PHKB: variants seen among roughly 807,000 people sequenced by gnomAD.
PHKB encodes the protein phosphorylase kinase regulatory subunit beta, also known as phosphorylase b kinase regulatory subunit beta.
In PHKB, 122 loss-of-function variants were observed where a neutral mutation model predicts 152.1. The observed-to-expected ratio is 0.80, with a 90% confidence interval of 0.69 to 0.93. The LOEUF (loss-of-function observed/expected upper bound fraction) is 0.93, where lower values mean the gene tolerates loss of function less well. Ranked by LOEUF, PHKB falls within the 40% of genes least tolerant of loss-of-function variation. The pLI is 0.00. For synonymous variants in PHKB, 436 were observed against 464.9 expected (o/e 0.94, Z 0.80); for missense variants, 1,304 against 1,328.4 (o/e 0.98, Z 0.29).
At chr16:47,615,431 T>C (rs1229518168) in intron 14 of PHKB, among the ~76,000 whole-genome samples, 1 of 152,222 alleles carries the variant, frequency 6.6e-6, no homozygotes, top group Non-Finnish European at 1.5e-5. Context: ...GACTTTGAAG[T>C]TGCTGCTAAA....
intron 6 of PHKB, among the ~76,000 whole-genome samples, chr16:47,527,502 G>A (rs1299621391): frequency 6.6e-6 from 1 of 152,090 alleles, no homozygotes; most frequent in Non-Finnish European, 1.5e-5. Context: ...GAACATAACT[G>A]TAAATAAGTA....
chr16:47,594,139 G>C lies in PHKB; in HGVS notation c.1129G>C (p.Val377Leu). ...IFFLYMMIDG[V>L]FRGNPKQVQE... ...GGATTTTATATTTTATATTTTAGGA[G>C]TTTTTAGAGGCAATCCTAAGCAAGT... Residue 377 changes from valine to leucine, a missense_variant and splice_region_variant, in exon 12 of 31, where the codon GTT becomes CTT. Transcript: ENST00000323584. 6.6e-7 allele frequency: 1 copy of C among 1,510,480 alleles called. No individual in the cohort carries two copies. The highest frequency in any genetic ancestry group is 9.2e-7 in the Non-Finnish European group (1 of 1,086,336). 93.6% of individuals were successfully genotyped at this position (1,510,480 alleles called of 1,614,324 possible).
chr16:47,698,214 A>T (rs1974184243), intron 29 of PHKB, among the ~76,000 whole-genome samples: 7 of 152,204 alleles, frequency 4.6e-5, no homozygotes, highest in Admixed American at 4.6e-4. Context: ...TAACGGTTTT[A>T]TTTAACTGAT....
rs189953529 is a variant in PHKB at position 47,663,388 on chromosome 16, G to A, written c.2279-289G>A. 5.5e-4 allele frequency among the ~76,000 whole-genome samples: 83 copies of A among 152,138 alleles called. No homozygotes were observed. The Middle Eastern group carries it at 0.01, about 19-fold the overall frequency. On this transcript the variant is annotated intron_variant, in intron 23 of 30. Coordinates refer to ENST00000323584, the MANE Select transcript of PHKB (RefSeq NM_000293.3). ...TTCTTTTCTGCAGTAAATTAGAATAGCATTTGTATTTGTTAAAAGTTTAGA... is the reference window on the plus strand; with the variant it reads ...TTCTTTTCTGCAGTAAATTAGAATAACATTTGTATTTGTTAAAAGTTTAGA...
chr16:47,540,825 T>G (rs1423172483), intron 6 of PHKB, among the ~76,000 whole-genome samples: 2 of 141,856 alleles, frequency 1.4e-5, no homozygotes, highest in South Asian at 2.4e-4. Context: ...TCCTGTTTTT[T>G]TTTTTTTTTT....
intron 7 of PHKB, among the ~76,000 whole-genome samples, chr16:47,552,678 G>A (rs561149275): frequency 3.3e-5 from 5 of 151,956 alleles, no homozygotes; most frequent in South Asian, 2.1e-4. Flanking sequence ...GTGTGGTGGC[G>A]GGTGCCTGTA....
rs1279081023 is a variant in PHKB at position 47,650,868 on chromosome 16, G to A, written c.1918G>A (p.Ala640Thr). 1 of 1,613,656 alleles carries A rather than the reference G, an allele frequency of 6.2e-7. No homozygotes were observed. The change falls in exon 20 of 31, where the codon GCC becomes ACC. Residue 640 changes from alanine to threonine, a missense_variant. Physicochemically the swap from Ala to Thr is moderately conservative, Grantham distance 58. Transcript: ENST00000323584. Reference sequence around the variant, plus strand: ...CAACCCCATATTAGATATGCTGGCAGCCCTTAAAAAAGGAATAATTGGAGG... The same window carrying A: ...CAACCCCATATTAGATATGCTGGCAACCCTTAAAAAAGGAATAATTGGAGG... ...RFNPILDMLA[A>T]LKKGIIGGVK...
chr16:47,471,139 CT>C (rs1969760450), intron 1 of PHKB, among the ~76,000 whole-genome samples: 1 of 152,124 alleles, frequency 6.6e-6, no homozygotes. Context: ...GAAAGCCTCT[CT>C]GGAAGTGATA....
At chr16:47,503,175 A>G in intron 4 of PHKB, 85 bp downstream of exon 4, 1 of 967,754 alleles carries the variant, frequency 1.0e-6, no homozygotes. Flanking sequence ...CTTCTGAAGA[A>G]GAATGTACTT....
At chr16:47,616,227 A>G (rs1376456124) in intron 14 of PHKB, among the ~76,000 whole-genome samples, 1 of 151,830 alleles carries the variant, frequency 6.6e-6, no homozygotes, top group Non-Finnish European at 1.5e-5. Flanking sequence ...TTATGGTGTC[A>G]TGTCTAAGAA....
At chr16:47,502,435 A>G (rs1970338631) in intron 3 of PHKB, among the ~76,000 whole-genome samples, 1 of 152,234 alleles carries the variant, frequency 6.6e-6, no homozygotes. Context: ...AAACCAAAGA[A>G]TATAAAGCTC....
At position 47,698,429 on chromosome 16, in the gene PHKB, C is replaced by A; in HGVS notation, c.3004-19C>A. 1 of 1,598,368 alleles carries A rather than the reference C, an allele frequency of 6.3e-7. No individual in the cohort carries two copies. The highest frequency in any genetic ancestry group is 8.6e-7 in the Non-Finnish European group (1 of 1,166,086). ...TATTATGGTTCATATAGTTGGCTTT[C>A]AATGTCTGTCTCTTCTAGTTACTTA... On this transcript the variant is annotated intron_variant, in intron 29 of 30. Coordinates refer to ENST00000323584, the MANE Select transcript of PHKB (RefSeq NM_000293.3).
intron 7 of PHKB, chr16:47,564,958 C>CT (rs35858890): frequency 0.016 from 3,267 of 210,570 alleles, 8 homozygotes; most frequent in Middle Eastern, 0.027. Flanking sequence ...GTCTGTGTGT[C>CT]TTTTTTTTTT....
chr16:47,478,609 A>G (rs537228124), intron 1 of PHKB, among the ~76,000 whole-genome samples: 1 of 151,978 alleles, frequency 6.6e-6, no homozygotes, highest in African/African-American at 2.4e-5. Context: ...CTTTAGAATG[A>G]TAATGATAGT....
At chr16:47,524,426 A>G (rs1416117004) in intron 6 of PHKB, among the ~76,000 whole-genome samples, 1 of 152,202 alleles carries the variant, frequency 6.6e-6, no homozygotes, top group Non-Finnish European at 1.5e-5. Flanking sequence ...TTAAACATCT[A>G]TATACAACAC....
chr16:47,589,487 A>C (rs1314396261), intron 10 of PHKB, among the ~76,000 whole-genome samples: 1 of 152,202 alleles, frequency 6.6e-6, no homozygotes, highest in East Asian at 1.9e-4. Flanking sequence ...TGTCTTATAT[A>C]ATATTAAATA....
At chr16:47,604,216 A>T (rs1453593454) in intron 13 of PHKB, among the ~76,000 whole-genome samples, 1 of 152,128 alleles carries the variant, frequency 6.6e-6, no homozygotes, top group Non-Finnish European at 1.5e-5. Context: ...AGCCTACATG[A>T]ATGTTTTATA....
At chr16:47,665,325 G>T in intron 25 of PHKB, 2 of 251,774 alleles carry the variant, frequency 7.9e-6, no homozygotes, top group Non-Finnish European at 1.5e-5. Flanking sequence ...TGCATGTGCT[G>T]TACTTTAAAA....
intron 25 of PHKB, chr16:47,666,069 G>C (rs1973533670): frequency 1.4e-6 from 2 of 1,456,640 alleles, no homozygotes; most frequent in Admixed American, 1.7e-5. Context: ...TTTGGTCCCG[G>C]TTGCAAAGAT....
Sources: gnomAD v4.1 joint callset for allele counts (sites outside exome capture counted in the v4.1 genomes callset) on GRCh38, gnomAD v4.1.1 for gene constraint, MANE v1.5 for transcripts, NCBI Gene and HGNC (gene_info 2026-07-23, HGNC 2026-07-21) for gene names.